The following TPD52 variants were observed in gnomAD, a reference collection of about 807,000 sequenced individuals.
TPD52 encodes prostate and colon associated protein.
TPD52 carries 17 observed loss-of-function variants against 31.3 expected under a neutral mutation model. The observed-to-expected ratio is 0.54, with a 90% confidence interval of 0.37 to 0.82. The LOEUF (loss-of-function observed/expected upper bound fraction) is 0.82. Among genes scored for constraint, TPD52 ranks in the 40% least tolerant of loss-of-function variants. The pLI, the probability that TPD52 is intolerant of heterozygous loss-of-function variation, is 0.00. For missense variants in TPD52, 212 were observed against 240.1 expected (o/e 0.88, Z 0.77); for synonymous variants, 83 against 89.6 (o/e 0.93, Z 0.42).
chr8:80,052,617 A>T, intron 3 of TPD52: 2 of 1,288,112 alleles, frequency 1.6e-6, no homozygotes, highest in South Asian at 2.5e-5. Flanking sequence ...AGCTCTGCAG[A>T]TGGCTCTCAA....
intron 1 of TPD52, 174 bp downstream of exon 1, chr8:80,171,251 C>T (rs1586443158): frequency 1.2e-6 from 1 of 826,974 alleles, no homozygotes; most frequent in East Asian, 2.7e-5. Flanking sequence ...GCCGCTCCTT[C>T]CAGGGCCCCA....
At chr8:80,095,185 A>G (rs1200011650) in intron 1 of TPD52, among the ~76,000 whole-genome samples, 3 of 152,226 alleles carry the variant, frequency 2.0e-5, no homozygotes, top group African/African-American at 7.2e-5. Context: ...AATATTATTC[A>G]GCACTAAAAA....
chr8:80,156,871 A>C (rs1417592512), intron 1 of TPD52, among the ~76,000 whole-genome samples: 1 of 150,746 alleles, frequency 6.6e-6, no homozygotes, highest in Non-Finnish European at 1.5e-5. Context: ...GTAGAAGAGA[A>C]TTGGGGTCGG....
rs1811897003 is a variant in TPD52, at chr8:80,056,441, A to G, written c.136-3011T>C. On this transcript the variant is annotated intron_variant, in intron 2 of 7. Transcript: ENST00000518937. Reference sequence around the variant, plus strand: ...GTAAAAGACAACCAACAGAATGGGGAAAATATTGGCAAATTACATACCTAA... The same window carrying G: ...GTAAAAGACAACCAACAGAATGGGGGAAATATTGGCAAATTACATACCTAA... 2.0e-5 allele frequency among the ~76,000 whole-genome samples: 3 copies of G among 152,232 alleles called. No individual in the cohort carries two copies. The South Asian group carries it at 6.2e-4, about 32-fold the overall frequency.
chr8:80,101,549 A>G (rs1319915073), intron 1 of TPD52, among the ~76,000 whole-genome samples: 1 of 152,108 alleles, frequency 6.6e-6, no homozygotes, highest in Non-Finnish European at 1.5e-5. Flanking sequence ...TTTATAAAGA[A>G]AATAGGTTTA....
At chr8:80,128,356 G>A (rs1007679059) in intron 1 of TPD52, among the ~76,000 whole-genome samples, 1 of 151,832 alleles carries the variant, frequency 6.6e-6, no homozygotes, top group Non-Finnish European at 1.5e-5. Context: ...TGAGTGAATA[G>A]ATAATAATTT....
chr8:80,044,295 C>G, intron 5 of TPD52, 87 bp from the exon 6 acceptor site: 4 of 1,061,638 alleles, frequency 3.8e-6, no homozygotes, highest in Non-Finnish European at 5.4e-6. Context: ...CTTAGCTCCC[C>G]AGGAGCTTTA....
At chr8:80,169,883 C>A (rs4739721) in intron 1 of TPD52, among the ~76,000 whole-genome samples, 23,884 of 151,912 alleles carry the variant, frequency 0.16, 3,110 homozygotes, top group African/African-American at 0.36. Context: ...TTATCCCACT[C>A]AGGACAACCA....
intron 1 of TPD52, among the ~76,000 whole-genome samples, chr8:80,120,158 T>C (rs765788380): frequency 2.0e-5 from 3 of 152,108 alleles, no homozygotes; most frequent in Non-Finnish European, 4.4e-5. Context: ...AGATGGTATC[T>C]AAGCACAACA....
At position 80,038,340 on chromosome 8, in the gene TPD52, C is replaced by T. The variant is rs1810060361; in HGVS notation, c.505-105G>A. 2.6e-6 allele frequency: 3 copies of T among 1,146,612 alleles called. 1 individual carries two copies. The South Asian group carries it at 4.4e-5, about 17-fold the overall frequency. The allele number at this position is 1,146,612 out of a possible 1,614,324, so 71.0% of individuals were successfully genotyped here. A position where few individuals can be genotyped will look rare whatever the true frequency, so the allele number is the denominator to read the frequency against. On this transcript the variant is annotated intron_variant, in intron 7 of 7. Coordinates refer to ENST00000518937, the MANE Select transcript of TPD52 (RefSeq NM_001025253.3). The stretch of plus-strand genomic sequence containing the variant: ...CTTTCAAGAACAAATACATCAGCAA[C>T]CTTATAGCTCAGTGATTATTATATA...
chr8:80,126,286 GTTTTA>G (rs1327171230), intron 1 of TPD52, among the ~76,000 whole-genome samples: 5 of 150,324 alleles, frequency 3.3e-5, no homozygotes, highest in Non-Finnish European at 5.9e-5. Flanking sequence ...ACTTATTCTG[GTTTTA>G]TTCTTTTCTT....
At chr8:80,048,567 A>G (rs1433684843) in intron 5 of TPD52, among the ~76,000 whole-genome samples, 1 of 152,230 alleles carries the variant, frequency 6.6e-6, no homozygotes, top group African/African-American at 2.4e-5. Context: ...TCTACAGCCT[A>G]AGCTCCCTTT....
intron 1 of TPD52, among the ~76,000 whole-genome samples, chr8:80,127,301 T>C (rs1808685866): frequency 6.6e-6 from 1 of 152,224 alleles, no homozygotes; most frequent in African/African-American, 2.4e-5. Flanking sequence ...CTGAATATTT[T>C]TGATGGATTA....
intron 1 of TPD52, among the ~76,000 whole-genome samples, chr8:80,138,847 A>C (rs970465531): frequency 6.6e-6 from 1 of 152,176 alleles, no homozygotes; most frequent in African/African-American, 2.4e-5. Context: ...CCTGATTTAC[A>C]AGGCCAAGGT....
intron 1 of TPD52, among the ~76,000 whole-genome samples, chr8:80,082,490 T>C (rs924275220): frequency 6.6e-6 from 1 of 152,174 alleles, no homozygotes; most frequent in Admixed American, 6.5e-5. Flanking sequence ...GTGATACGGA[T>C]AGAATGCAAG....
intron 2 of TPD52, 142 bp from the exon 3 acceptor site, chr8:80,053,572 T>C (rs1811578390): frequency 2.2e-6 from 2 of 913,448 alleles, no homozygotes; most frequent in Admixed American, 4.9e-5. Context: ...CAATGTATAA[T>C]GTTGTTGAGT....
chr8:80,080,528 T>C, intron 1 of TPD52: 2 of 1,576,642 alleles, frequency 1.3e-6, no homozygotes, highest in Non-Finnish European at 1.7e-6. Context: ...TTTGGCCATA[T>C]TCCCTTTGTA....
chr8:80,118,192 A>G (rs1808009271), intron 1 of TPD52, among the ~76,000 whole-genome samples: 1 of 152,200 alleles, frequency 6.6e-6, no homozygotes, highest in African/African-American at 2.4e-5. Flanking sequence ...CAAGGTGCCA[A>G]GACAGTCTGA....
intron 1 of TPD52, among the ~76,000 whole-genome samples, chr8:80,168,991 T>A (rs766615828): frequency 2.0e-5 from 3 of 152,116 alleles, no homozygotes; most frequent in African/African-American, 7.2e-5. Context: ...GTTTTGTGTT[T>A]GTTTGTTTTT....
Sources: allele counts gnomAD v4.1 joint callset (sites outside exome capture counted in the v4.1 genomes callset), GRCh38; gene constraint gnomAD v4.1.1; transcripts MANE v1.5; gene names NCBI Gene and HGNC (gene_info 2026-07-23, HGNC 2026-07-21).